TBC1D31: variants seen among roughly 807,000 people sequenced by gnomAD.
The protein encoded by TBC1D31 is TBC1 domain family member 31, also known as WD repeat domain 67.
In TBC1D31, 99 loss-of-function variants were observed where a neutral mutation model predicts 132.9. The observed-to-expected ratio is 0.74, with a 90% CI of 0.63 to 0.88. The LOEUF (loss-of-function observed/expected upper bound fraction) is 0.88. TBC1D31 is among the 40% of genes least tolerant of loss of function. The pLI is 0.00. For synonymous variants in TBC1D31, 385 were observed against 419.4 expected (o/e 0.92, Z 1.00); for missense variants, 1,134 against 1,256.6 (o/e 0.90, Z 1.48).
chr8:123,106,680 A>C (rs1817960615), intron 8 of TBC1D31, among the ~76,000 whole-genome samples: 1 of 152,204 alleles, frequency 6.6e-6, no homozygotes. Context: ...TTTGCAACAC[A>C]GAAGAGTGTC....
the TBC1D31 span, among the ~76,000 whole-genome samples, chr8:123,162,116 C>A: frequency 6.6e-6 from 1 of 151,974 alleles, no homozygotes; most frequent in South Asian, 2.1e-4. Context: ...AATATGTCTC[C>A]CAACATTTGG....
chr8:123,149,345 A>G (rs1243328767), intron 20 of TBC1D31, among the ~76,000 whole-genome samples: 2 of 152,256 alleles, frequency 1.3e-5, no homozygotes, highest in Non-Finnish European at 2.9e-5. Context: ...GGTAAAAGGC[A>G]GACATCTTAC....
intron 1 of TBC1D31, among the ~76,000 whole-genome samples, chr8:123,076,521 G>A (rs1463876482): frequency 1.3e-5 from 2 of 152,118 alleles, no homozygotes; most frequent in Non-Finnish European, 2.9e-5. Context: ...ATTTCTTAAA[G>A]CATTTGTTCA....
chr8:123,104,400 ATGGAT>A (rs958456176), intron 7 of TBC1D31, among the ~76,000 whole-genome samples: 19 of 152,180 alleles, frequency 1.2e-4, no homozygotes, highest in African/African-American at 4.6e-4. Context: ...ATTTAGAAGA[ATGGAT>A]TGAAGTCAAA....
chr8:123,146,886 A>T (rs1283489692), intron 20 of TBC1D31, among the ~76,000 whole-genome samples: 1 of 151,924 alleles, frequency 6.6e-6, no homozygotes, highest in Non-Finnish European at 1.5e-5. Flanking sequence ...CATGTTGCCC[A>T]GGCTTGTCTC....
rs927444876 is a variant in TBC1D31, at chr8:123,093,242, C to T, written c.520-349C>T. On this transcript the variant is annotated intron_variant, in intron 4 of 21. Coordinates refer to ENST00000287380, the MANE Select transcript of TBC1D31 (RefSeq NM_145647.4). ...GGGATTACAGGTGTGAGCCACCACACCTGACCAATGTGCTTTATTTTAAAA... is the reference window on the plus strand; with the variant it reads ...GGGATTACAGGTGTGAGCCACCACATCTGACCAATGTGCTTTATTTTAAAA... 3.3e-5 allele frequency among the ~76,000 whole-genome samples: 5 copies of T among 152,138 alleles called. 1 individual carries two copies. Among genetic ancestry groups the T allele is most frequent in the Non-Finnish European group, 7.3e-5 (5 of 68,038 alleles).
chr8:123,103,721 C>T (rs1817667339), intron 7 of TBC1D31: 1 of 152,400 alleles, frequency 6.6e-6, no homozygotes, highest in East Asian at 1.9e-4. Flanking sequence ...CGTGTCCAGC[C>T]TTGCAAACCT....
chr8:123,077,533 A>ATTTTTTTTTTTTTTTTTTTTTTTT (rs33948089), intron 2 of TBC1D31, among the ~76,000 whole-genome samples: 1 of 143,482 alleles, frequency 7.0e-6, no homozygotes, highest in Non-Finnish European at 1.5e-5. Flanking sequence ...ATTATTGCTA[A>ATTTTTTTTTTTTTTTTTTTTTTTT]TTTTTTTTTT....
chr8:123,073,466 TG>T (rs1174335833), intron 1 of TBC1D31: 1 of 453,294 alleles, frequency 2.2e-6, no homozygotes, highest in Non-Finnish European at 4.4e-6. Flanking sequence ...TATGCATTGC[TG>T]GGGGGCTTCT....
chr8:123,078,515 A>G (rs1814781595), intron 2 of TBC1D31, among the ~76,000 whole-genome samples: 1 of 152,228 alleles, frequency 6.6e-6, no homozygotes, highest in South Asian at 2.1e-4. Flanking sequence ...GCATGCCAGC[A>G]GCAATGAATA....
Position 123,072,807 on chromosome 8 carries a change from A to T in TBC1D31, c.38A>T (p.Lys13Met), listed in dbSNP as rs1814036464. Residue 13 changes from lysine to methionine, a missense_variant, in exon 1 of 22, where the codon AAG becomes ATG. Physicochemically the swap from Lys to Met is moderately conservative, Grantham distance 95 (BLOSUM62 -1). Transcript: ENST00000287380. ...STDLGNKESG[K>M]IWHRKPSPAT... ...GACCTAGGCAACAAGGAGAGCGGCAAGATATGGCACCGCAAGCCGTCCCCG... is the reference window on the plus strand; with the variant it reads ...GACCTAGGCAACAAGGAGAGCGGCATGATATGGCACCGCAAGCCGTCCCCG... 6 of 1,574,848 alleles carry T rather than the reference A, an allele frequency of 3.8e-6. No homozygotes were observed. In the East Asian group the frequency reaches 1.4e-4, roughly 37 times the overall value.
chr8:123,100,263 G>A (rs946405325), intron 6 of TBC1D31, among the ~76,000 whole-genome samples: 7 of 152,100 alleles, frequency 4.6e-5, no homozygotes, highest in African/African-American at 9.7e-5. Flanking sequence ...TGAGCCATAA[G>A]TTGTGATTTT....
At chr8:123,073,872 G>A (rs1814194087) in intron 1 of TBC1D31, among the ~76,000 whole-genome samples, 2 of 151,566 alleles carry the variant, frequency 1.3e-5, no homozygotes, top group African/African-American at 2.4e-5. Flanking sequence ...TTTTAGTAGA[G>A]ACGGGGTTTC....
At chr8:123,135,527 G>C (rs917026151) in intron 17 of TBC1D31, among the ~76,000 whole-genome samples, 5 of 152,240 alleles carry the variant, frequency 3.3e-5, no homozygotes, top group Admixed American at 2.0e-4. Context: ...CTTGAGCCCG[G>C]GGGACGGAGG....
At chr8:123,134,840 A>G (rs1820931783) in intron 17 of TBC1D31, among the ~76,000 whole-genome samples, 1 of 152,208 alleles carries the variant, frequency 6.6e-6, no homozygotes, top group Non-Finnish European at 1.5e-5. Context: ...TCAATACCTC[A>G]CAAGGATCCT....
At position 123,115,815 on chromosome 8, in the gene TBC1D31, A is replaced by G. The variant is rs1216173641; in HGVS notation, c.1437-4240A>G. 2.6e-5 allele frequency among the ~76,000 whole-genome samples: 4 copies of G among 152,152 alleles called. No individual in the cohort carries two copies. The East Asian group carries it at 7.7e-4, about 29-fold the overall frequency. Reference sequence around the variant, plus strand: ...AGGGGTTCTTTGATATTAAGGACCTATGTGATTAGATTGGACCTACCCAGG... The same window carrying G: ...AGGGGTTCTTTGATATTAAGGACCTGTGTGATTAGATTGGACCTACCCAGG... On this transcript the variant is annotated intron_variant, in intron 10 of 21. Coordinates refer to ENST00000287380, the MANE Select transcript of TBC1D31 (RefSeq NM_145647.4).
intron 20 of TBC1D31, among the ~76,000 whole-genome samples, chr8:123,146,984 A>G (rs1012076454): frequency 6.6e-6 from 1 of 152,078 alleles, no homozygotes; most frequent in Non-Finnish European, 1.5e-5. Context: ...CCGACTCTTA[A>G]AACCACTCAT....
rs570462522 is a variant in TBC1D31, at chr8:123,105,619, C to T, written c.1209+155C>T. Among the ~76,000 whole-genome samples, 4 of 152,254 alleles carry T rather than the reference C, an allele frequency of 2.6e-5. No individual in the cohort carries two copies. In the South Asian group the frequency reaches 8.3e-4, roughly 32 times the overall value. ...TAACCTAAATTATGCACAGGCTGGT[C>T]TCAATCCTGGCCTCAAGTGATCCTC... On this transcript the variant is annotated intron_variant, in intron 8 of 21. Coordinates refer to ENST00000287380, the MANE Select transcript of TBC1D31 (RefSeq NM_145647.4).
In TBC1D31 at chr8:123,140,825, G is replaced by A. The variant is rs756722175; in HGVS notation, c.2564G>A (p.Arg855Gln). Residue 855 changes from arginine to glutamine, a missense_variant, in exon 18 of 22, where the codon CGA becomes CAA. Physicochemically the swap from Arg to Gln is conservative, Grantham distance 43. Transcript: ENST00000287380. ...EMRADADAYR[R>Q]KVDLEEHMFH... is the part of the protein sequence containing the mutation. ...CGAGCAGATGCAGATGCCTATAGAC[G>A]AAAAGTGGATCTTGAAGAACACATG... 13 of 1,613,432 alleles carry A rather than the reference G, an allele frequency of 8.1e-6. No homozygotes were observed. The highest frequency in any genetic ancestry group is 1.6e-4 in the Middle Eastern group (1 of 6,078).
Sources: gnomAD v4.1 joint callset for allele counts (sites outside exome capture counted in the v4.1 genomes callset) on GRCh38, gnomAD v4.1.1 for gene constraint, MANE v1.5 for transcripts, NCBI Gene and HGNC (gene_info 2026-07-23, HGNC 2026-07-21) for gene names.